L3MBTL3: variants seen among roughly 807,000 people sequenced by gnomAD.
L3MBTL3 encodes the protein L3MBTL histone methyl-lysine binding protein 3, also known as lethal(3)malignant brain tumor-like protein 3.
In L3MBTL3, 27 loss-of-function variants were observed where a neutral mutation model predicts 102.3. The ratio of observed to expected loss-of-function variants is 0.26; its 90% CI spans 0.19 to 0.36. L3MBTL3 has a LOEUF of 0.36. L3MBTL3 is among the 10% of genes least tolerant of loss of function. The pLI, the probability that L3MBTL3 is intolerant of heterozygous loss-of-function variation, is 1.00. For synonymous variants in L3MBTL3, 340 were observed against 320.9 expected, an observed-to-expected ratio of 1.06 and a Z score of -0.64; for missense variants, 798 against 955.3, an observed-to-expected ratio of 0.84 and a Z score of 2.17.
At chr6:130,066,793 A>G (rs892299819) in intron 11 of L3MBTL3, among the ~76,000 whole-genome samples, 1 of 152,168 alleles carries the variant, frequency 6.6e-6, no homozygotes, top group Non-Finnish European at 1.5e-5. Context: ...CTTTGAAAAA[A>G]CTGATTTGAA....
chr6:130,057,545 A>G, intron 9 of L3MBTL3, 48 bp downstream of exon 9: 1 of 1,390,568 alleles, frequency 7.2e-7, no homozygotes, highest in East Asian at 2.3e-5. Context: ...AGGAGCTGGG[A>G]TACCAGCCTG....
At position 130,132,304 on chromosome 6, in the gene L3MBTL3, C is replaced by A. The variant is rs139610365; in HGVS notation, c.1967-1148C>A. ...ACAATTCAAAAAAGGGTAAATGAAT[C>A]TATGGTGTTAGTAGTCAAGGAAGTG... is the stretch of plus-strand genomic sequence containing the variant. On this transcript the variant is annotated intron_variant, in intron 20 of 22. Coordinates refer to ENST00000361794, the MANE Select transcript of L3MBTL3 (RefSeq NM_032438.4). 4.3e-3 allele frequency among the ~76,000 whole-genome samples: 649 copies of A among 152,216 alleles called. 6 individuals carry two copies. The highest frequency in any genetic ancestry group is 0.015 in the African/African-American group (621 of 41,520).
chr6:130,051,859 G>A (rs1781117871), intron 6 of L3MBTL3, among the ~76,000 whole-genome samples: 1 of 152,214 alleles, frequency 6.6e-6, no homozygotes, highest in Non-Finnish European at 1.5e-5. Context: ...CCATAGGGAA[G>A]AGTGTAGTGA....
intron 2 of L3MBTL3, among the ~76,000 whole-genome samples, chr6:130,033,572 G>C (rs1272517655): frequency 6.6e-6 from 1 of 152,152 alleles, no homozygotes; most frequent in Non-Finnish European, 1.5e-5. Flanking sequence ...AAGATACACT[G>C]CCCTTTTAAC....
At chr6:130,076,010 A>C (rs1782928678) in intron 13 of L3MBTL3, among the ~76,000 whole-genome samples, 1 of 152,160 alleles carries the variant, frequency 6.6e-6, no homozygotes, top group Non-Finnish European at 1.5e-5. Flanking sequence ...AGGGATGGAA[A>C]GGATCACTTG....
At position 130,057,052 on chromosome 6, in the gene L3MBTL3, C is replaced by T. The variant is rs116857045; in HGVS notation, c.668-354C>T. 5.6e-3 allele frequency among the ~76,000 whole-genome samples: 850 copies of T among 152,314 alleles called. 5 individuals are homozygous for T. The highest frequency in any genetic ancestry group is 8.3e-3 in the Non-Finnish European group (567 of 68,030). On this transcript the variant is annotated intron_variant, in intron 8 of 22. Coordinates refer to ENST00000361794, the MANE Select transcript of L3MBTL3 (RefSeq NM_032438.4). ...GCCACTCAATGCACTGGCCTTTCCA[C>T]AGTCCTCAACTTCTTGATCTCTTAG...
At chr6:130,038,562 G>A (rs1005320301) in intron 2 of L3MBTL3, among the ~76,000 whole-genome samples, 1 of 152,024 alleles carries the variant, frequency 6.6e-6, no homozygotes, top group African/African-American at 2.4e-5. Flanking sequence ...CCATTTGTAT[G>A]TCCCCTTTTG....
intron 7 of L3MBTL3, 36 bp from the exon 8 acceptor site, chr6:130,055,135 G>A: frequency 6.5e-7 from 1 of 1,538,206 alleles, no homozygotes; most frequent in South Asian, 1.1e-5. Flanking sequence ...CCAATTTCTT[G>A]AACTTTAAAG....
At chr6:130,040,260 C>T (rs1157538046) in intron 2 of L3MBTL3, among the ~76,000 whole-genome samples, 2 of 149,474 alleles carry the variant, frequency 1.3e-5, no homozygotes, top group Non-Finnish European at 3.0e-5. Context: ...ACCCGGGAGG[C>T]GGAGGTTGCA....
At chr6:130,021,873 T>G (rs771546085) in intron 1 of L3MBTL3, among the ~76,000 whole-genome samples, 15 of 152,232 alleles carry the variant, frequency 9.9e-5, no homozygotes, top group Non-Finnish European at 1.6e-4. Context: ...TTATGTAATA[T>G]CTATTCTTTT....
chr6:130,094,012 C>G (rs564220155), intron 17 of L3MBTL3, among the ~76,000 whole-genome samples: 1 of 152,126 alleles, frequency 6.6e-6, no homozygotes, highest in Non-Finnish European at 1.5e-5. Flanking sequence ...AAGATTGTTA[C>G]GTCAAAGTTT....
chr6:130,137,033 G>C (rs1443704064), intron 22 of L3MBTL3, among the ~76,000 whole-genome samples: 1 of 152,116 alleles, frequency 6.6e-6, no homozygotes, highest in Admixed American at 6.5e-5. Flanking sequence ...TTGCTTGCTT[G>C]GTTTTATTTG....
chr6:130,062,712 T>C (rs1296587854), intron 10 of L3MBTL3, among the ~76,000 whole-genome samples: 1 of 151,744 alleles, frequency 6.6e-6, no homozygotes, highest in Admixed American at 6.6e-5. Flanking sequence ...TCTTTAACCA[T>C]TGGGTAGTTC....
chr6:130,126,292 A>G (rs12197171), intron 20 of L3MBTL3, among the ~76,000 whole-genome samples: 36,854 of 139,222 alleles, frequency 0.26, 5,509 homozygotes, highest in Non-Finnish European at 0.39. Flanking sequence ...TGGGTGGCTC[A>G]TGTGTGGAGA....
intron 5 of L3MBTL3, among the ~76,000 whole-genome samples, chr6:130,051,003 C>G (rs949675568): frequency 2.0e-5 from 3 of 152,104 alleles, no homozygotes; most frequent in East Asian, 1.9e-4. Flanking sequence ...ACTTTGAACT[C>G]TGTAGAAAAA....
chr6:130,086,356 A>C (rs2115157659), intron 16 of L3MBTL3, 106 bp downstream of exon 16: 1 of 736,146 alleles, frequency 1.4e-6, no homozygotes, highest in East Asian at 2.6e-5. Context: ...TAGTAAAATC[A>C]TAGGAATAAG....
chr6:130,036,616 C>T (rs921088165), intron 2 of L3MBTL3, among the ~76,000 whole-genome samples: 1 of 152,130 alleles, frequency 6.6e-6, no homozygotes, highest in Non-Finnish European at 1.5e-5. Context: ...TCCTGTCAGA[C>T]AGGATTTTGC....
chr6:130,048,941 AACACACACACAC>A (rs6149808), intron 3 of L3MBTL3, among the ~76,000 whole-genome samples: 1 of 78,422 alleles, frequency 1.3e-5, no homozygotes, highest in African/African-American at 2.9e-5. Flanking sequence ...TCTTAGTTAA[AACACACACACAC>A]ACACACACAC....
At chr6:130,040,080 A>C (rs1780325900) in intron 2 of L3MBTL3, among the ~76,000 whole-genome samples, 1 of 152,122 alleles carries the variant, frequency 6.6e-6, no homozygotes, top group Non-Finnish European at 1.5e-5. Flanking sequence ...TAATCCCAGC[A>C]CTTTGGGAGG....
Sources: allele counts gnomAD v4.1 joint callset (sites outside exome capture counted in the v4.1 genomes callset), GRCh38; gene constraint gnomAD v4.1.1; transcripts MANE v1.5; gene names NCBI Gene and HGNC (gene_info 2026-07-23, HGNC 2026-07-21).